TMEM132C: variants seen among roughly 807,000 people sequenced by gnomAD.
The protein encoded by TMEM132C is protein phosphatase 1, regulatory subunit 152.
TMEM132C carries 29 observed loss-of-function variants against 61.4 expected under a neutral mutation model. The ratio of observed to expected loss-of-function variants is 0.47; its 90% confidence interval spans 0.35 to 0.64. The LOEUF is 0.64. Ranked by LOEUF, TMEM132C falls within the 30% of genes least tolerant of loss-of-function variation. The probability of loss-of-function intolerance (pLI) is 0.00; values close to 1 mark genes in which losing one functional copy is unlikely to be tolerated. For missense variants in TMEM132C, 1,408 were observed against 1,476.9 expected (o/e 0.95, Z 0.76); for synonymous variants, 656 against 633.1 (o/e 1.04, Z -0.54).
rs1870888497 is a variant in TMEM132C at position 128,469,898 on chromosome 12, A to G, written c.974+54278A>G. ...TAAATGCATATGTATATACACACAC[A>G]TAAATGCACACATATTATATAAATA... On this transcript the variant is annotated intron_variant, in intron 2 of 8. Transcript: ENST00000435159. Among the ~76,000 whole-genome samples, 4 of 152,294 alleles carry G rather than the reference A, an allele frequency of 2.6e-5. No individual in the cohort carries two copies. In the South Asian group the frequency reaches 8.3e-4, roughly 32 times the overall value.
chr12:128,467,933 G>A (rs978171767), intron 2 of TMEM132C, among the ~76,000 whole-genome samples: 1 of 152,168 alleles, frequency 6.6e-6, no homozygotes, highest in Non-Finnish European at 1.5e-5. Context: ...GGAGGAGAGG[G>A]GCATCAATCA....
chr12:128,489,758 A>C (rs1371833628), intron 2 of TMEM132C, among the ~76,000 whole-genome samples: 3 of 151,936 alleles, frequency 2.0e-5, no homozygotes, highest in Non-Finnish European at 4.4e-5. Context: ...TTCTCGCCTC[A>C]CTCAGACTCA....
At chr12:128,531,285 G>A (rs920970260) in intron 2 of TMEM132C, among the ~76,000 whole-genome samples, 2 of 122,826 alleles carry the variant, frequency 1.6e-5, no homozygotes, top group African/African-American at 7.0e-5. Context: ...TGATAGGGAA[G>A]ATCAAAGTAA....
chr12:128,669,437 C>A lies in TMEM132C; in HGVS notation c.1326C>A (p.Thr442=), dbSNP rs1032979036. 1.3e-6 allele frequency: 2 copies of A among 1,551,470 alleles called. No homozygotes were observed. Among genetic ancestry groups the A allele is most frequent in the African/African-American group, 1.4e-5 (1 of 73,118 alleles). The change falls in exon 5 of 9, where the codon ACC becomes ACA. Residue 442 remains threonine (T), a synonymous_variant. Transcript: ENST00000435159. ...PLAMDTEILN[T]AVLTGKTVAM... ...GGCAGGACACTGAAATTCTGAACAC[C>A]GCCGTACTCACAGGAAAGACAGTTG...
chr12:128,550,683 C>T (rs1472295083), intron 3 of TMEM132C, among the ~76,000 whole-genome samples: 1 of 152,182 alleles, frequency 6.6e-6, no homozygotes, highest in Non-Finnish European at 1.5e-5. Context: ...TAATTACCAT[C>T]TTAAAAGCCT....
intron 1 of TMEM132C, among the ~76,000 whole-genome samples, chr12:128,404,084 A>G (rs1875257264): frequency 6.6e-6 from 1 of 152,186 alleles, no homozygotes; most frequent in Non-Finnish European, 1.5e-5. Context: ...AAATGTCTGC[A>G]GACGTCACCA....
At chr12:128,333,705 TGTC>T (rs1872723365) in intron 1 of TMEM132C, among the ~76,000 whole-genome samples, 1 of 151,148 alleles carries the variant, frequency 6.6e-6, no homozygotes, top group Non-Finnish European at 1.5e-5. Flanking sequence ...GTTTGTTTGT[TGTC>T]TGTATGTATG....
At chr12:128,410,193 G>A (rs1336911023) in intron 1 of TMEM132C, among the ~76,000 whole-genome samples, 2 of 152,072 alleles carry the variant, frequency 1.3e-5, no homozygotes, top group Non-Finnish European at 2.9e-5. Flanking sequence ...TACAGTTGGA[G>A]TCTTAAAGAA....
intron 1 of TMEM132C, among the ~76,000 whole-genome samples, chr12:128,296,730 A>C (rs1871427182): frequency 1.3e-5 from 2 of 152,324 alleles, no homozygotes; most frequent in East Asian, 1.9e-4. Context: ...ATGAGGAAGA[A>C]GATGGGGCAA....
intron 4 of TMEM132C, among the ~76,000 whole-genome samples, chr12:128,633,134 T>C (rs1954076207): frequency 6.6e-6 from 1 of 152,136 alleles, no homozygotes; most frequent in African/African-American, 2.4e-5. Context: ...TTCAAGGTGG[T>C]CTCCTCACCT....
At chr12:128,457,520 G>A (rs1159933599) in intron 2 of TMEM132C, among the ~76,000 whole-genome samples, 1 of 150,838 alleles carries the variant, frequency 6.6e-6, no homozygotes, top group South Asian at 2.1e-4. Context: ...AGCTTGCAGT[G>A]AGCCGAGATC....
intron 4 of TMEM132C, among the ~76,000 whole-genome samples, chr12:128,653,663 G>A (rs755975360): frequency 6.6e-6 from 1 of 152,154 alleles, no homozygotes; most frequent in African/African-American, 2.4e-5. Flanking sequence ...TGAAGTGGGG[G>A]AGAATGTAAG....
chr12:128,295,002 G>GATA (rs1220074109), intron 1 of TMEM132C, among the ~76,000 whole-genome samples: 5 of 150,354 alleles, frequency 3.3e-5, no homozygotes, highest in South Asian at 2.1e-4. Context: ...TAGATAGATA[G>GATA]GTAGATAGAT....
Position 128,444,250 on chromosome 12 carries a change from G to A in TMEM132C, c.974+28630G>A, listed in dbSNP as rs919339314. 5.9e-5 allele frequency among the ~76,000 whole-genome samples: 9 copies of A among 152,152 alleles called. No individual in the cohort carries two copies. In the South Asian group the frequency reaches 1.0e-3, roughly 18 times the overall value. On this transcript the variant is annotated intron_variant, in intron 2 of 8. Coordinates refer to ENST00000435159, the MANE Select transcript of TMEM132C (RefSeq NM_001136103.3). ...TCTCCTTCTTCAAGTTCTTTGTAGC[G>A]TTCTCTTTGGACCAACCTTTTGTCA... is the stretch of plus-strand genomic sequence containing the variant.
rs533615582 is a variant in TMEM132C, at chr12:128,285,699, A to G, written c.85+18212A>G. Reference sequence around the variant, plus strand: ...CCCCCATCTCTCTCTCCCCATCTCTATCCCTCTGTCCCTTTCTCTCTTTCT... The same window carrying G: ...CCCCCATCTCTCTCTCCCCATCTCTGTCCCTCTGTCCCTTTCTCTCTTTCT... On this transcript the variant is annotated intron_variant, in intron 1 of 8. Coordinates refer to ENST00000435159, the MANE Select transcript of TMEM132C (RefSeq NM_001136103.3). Among the ~76,000 whole-genome samples, 15 of 32,648 alleles carry G rather than the reference A, an allele frequency of 4.6e-4. No individual in the cohort carries two copies. In the South Asian group the frequency reaches 5.0e-3, roughly 11 times the overall value. 21.4% of individuals were successfully genotyped at this position (32,648 alleles called of 152,430 possible).
At chr12:128,397,238 C>T (rs1033655365) in intron 1 of TMEM132C, among the ~76,000 whole-genome samples, 6 of 152,208 alleles carry the variant, frequency 3.9e-5, no homozygotes, top group Non-Finnish European at 2.9e-5. Context: ...CCACCTGTGC[C>T]CAGGGGCCAT....
At chr12:128,329,803 A>G (rs958991744) in intron 1 of TMEM132C, among the ~76,000 whole-genome samples, 9 of 152,178 alleles carry the variant, frequency 5.9e-5, no homozygotes, top group East Asian at 1.9e-4. Flanking sequence ...GTGGCTAAAC[A>G]TTACTGAGAA....
At chr12:128,656,802 C>T (rs1954329372) in intron 4 of TMEM132C, among the ~76,000 whole-genome samples, 1 of 152,216 alleles carries the variant, frequency 6.6e-6, no homozygotes. Flanking sequence ...TCCCAACCCA[C>T]CTCCCAAAGC....
chr12:128,488,947 A>T (rs2136098500), intron 2 of TMEM132C, among the ~76,000 whole-genome samples: 1 of 152,248 alleles, frequency 6.6e-6, no homozygotes, highest in African/African-American at 2.4e-5. Flanking sequence ...ACCCAGGTTG[A>T]TAAAGGTTGC....
Sources: allele counts gnomAD v4.1 joint callset (sites outside exome capture counted in the v4.1 genomes callset), GRCh38; gene constraint gnomAD v4.1.1; transcripts MANE v1.5; gene names NCBI Gene and HGNC (gene_info 2026-07-23, HGNC 2026-07-21).